BRWD3: variants seen among roughly 807,000 people sequenced by gnomAD.
BRWD3 encodes bromodomain and WD repeat-containing protein 3.
In BRWD3, 10 loss-of-function variants were observed where a neutral mutation model predicts 149.7. The ratio of observed to expected loss-of-function variants is 0.07; its 90% CI spans 0.04 to 0.11. The LOEUF is 0.11. BRWD3 is among the 10% of genes least tolerant of loss of function. The pLI, the probability that BRWD3 is intolerant of heterozygous loss-of-function variation, is 1.00. For synonymous variants in BRWD3, 504 were observed against 456.7 expected, an observed-to-expected ratio of 1.10 and a Z score of -1.32; for missense variants, 940 against 1,373.2, an observed-to-expected ratio of 0.68 and a Z score of 4.99.
chrX:80,717,466 A>G, intron 19 of BRWD3, 107 bp downstream of exon 19: 1 of 794,006 alleles, frequency 1.3e-6, no homozygotes, highest in Non-Finnish European at 1.9e-6. Flanking sequence ...GCATGACTAA[A>G]CTATATTTTA....
intron 24 of BRWD3, among the ~76,000 whole-genome samples, chrX:80,700,994 T>G (rs751339060): frequency 9.0e-6 from 1 of 110,636 alleles, no homozygotes; most frequent in Non-Finnish European, 1.9e-5. Flanking sequence ...TGTACTATAC[T>G]TCAAATTATA....
chrX:80,782,107 A>G (rs2074063333), intron 6 of BRWD3, among the ~76,000 whole-genome samples: 1 of 111,681 alleles, frequency 9.0e-6, no homozygotes, highest in Admixed American at 9.6e-5. Context: ...TTCAAATTAC[A>G]CTACAGGGCT....
chrX:80,709,661 G>A, intron 20 of BRWD3, 84 bp from the exon 21 acceptor site: 1 of 851,849 alleles, frequency 1.2e-6, no homozygotes, highest in Non-Finnish European at 1.7e-6. Flanking sequence ...AATTAGGTGG[G>A]GGGTAGGGGT....
At chrX:80,716,704 T>C (rs1412769221) in intron 19 of BRWD3, among the ~76,000 whole-genome samples, 2 of 112,328 alleles carry the variant, frequency 1.8e-5, no homozygotes, top group Admixed American at 1.9e-4. Flanking sequence ...CCACAATTTG[T>C]TTATCTATTC....
At chrX:80,798,650 AG>A (rs1361155864) in intron 4 of BRWD3, among the ~76,000 whole-genome samples, 9 of 110,436 alleles carry the variant, frequency 8.1e-5, no homozygotes, top group Non-Finnish European at 1.7e-4. Flanking sequence ...GTATAATATA[AG>A]GCCAGGTGTG....
intron 21 of BRWD3, among the ~76,000 whole-genome samples, chrX:80,709,044 A>G (rs965609294): frequency 2.7e-5 from 3 of 111,945 alleles, no homozygotes; most frequent in Non-Finnish European, 5.6e-5. Flanking sequence ...GGTGAAGTCA[A>G]TAATAACAAA....
Position 80,793,786 on chromosome X carries a change from A to C in BRWD3, c.181-14T>G, listed in dbSNP as rs1457275485. On this transcript the variant is annotated splice_polypyrimidine_tract_variant and intron_variant, in intron 4 of 40. Coordinates refer to ENST00000373275, the MANE Select transcript of BRWD3 (RefSeq NM_153252.5). ...ATTTGCTGCCACCTAAAAAAGTATAAATAAAACACAGGAAAAACACATTTA... is the reference window on the plus strand; with the variant it reads ...ATTTGCTGCCACCTAAAAAAGTATACATAAAACACAGGAAAAACACATTTA... 3.3e-6 allele frequency: 4 copies of C among 1,195,381 alleles called. No homozygotes were observed. The Admixed American group carries it at 8.7e-5, about 26-fold the overall frequency.
At chrX:80,742,473 T>G (rs949200692) in intron 8 of BRWD3, among the ~76,000 whole-genome samples, 3 of 107,020 alleles carry the variant, frequency 2.8e-5, no homozygotes, top group African/African-American at 1.1e-4. Context: ...ATTGAATCTA[T>G]AAATTACCTT....
In BRWD3 at chrX:80,733,378, T is replaced by C. The variant is rs752093208; in HGVS notation, c.1127+78A>G. On this transcript the variant is annotated intron_variant, in intron 12 of 40. Coordinates refer to ENST00000373275, the MANE Select transcript of BRWD3 (RefSeq NM_153252.5). ...CTGGACAGAAATAAGGTATCTATCA[T>C]AGAAGTAGCTGCATCTGAGGGAATG... 132 of 795,969 alleles carry C rather than the reference T, an allele frequency of 1.7e-4. 1 individual carries two copies. The African/African-American group carries it at 1.8e-3, about 11-fold the overall frequency. The allele number at this position is 795,969 out of a possible 1,213,427, so 65.6% of individuals were successfully genotyped here. A position where few individuals can be genotyped will look rare whatever the true frequency, so the allele number is the denominator to read the frequency against.
Position 80,809,840 on chromosome X carries a change from G to C in BRWD3, c.-369C>G, listed in dbSNP as rs1452133964. ...GGGGGGGCGGAGAGAGAGAGAGAGA[G>C]AGAGATAGACGGAGCGAGAAGAGGG... is the stretch of plus-strand genomic sequence containing the variant. On this transcript the variant is annotated 5_prime_UTR_variant, in exon 1 of 41. Coordinates refer to ENST00000373275, the MANE Select transcript of BRWD3 (RefSeq NM_153252.5). Among the ~76,000 whole-genome samples, 17 of 93,261 alleles carry C rather than the reference G, an allele frequency of 1.8e-4. No individual in the cohort carries two copies. Among genetic ancestry groups the C allele is most frequent in the Non-Finnish European group, 2.4e-4 (11 of 46,128 alleles). The allele number at this position is 93,261 out of a possible 115,157, so 81.0% of individuals were successfully genotyped here. A position where few individuals can be genotyped will look rare whatever the true frequency, so the allele number is the denominator to read the frequency against.
intron 6 of BRWD3, among the ~76,000 whole-genome samples, chrX:80,756,764 G>A (rs946568532): frequency 9.0e-6 from 1 of 111,026 alleles, no homozygotes; most frequent in Non-Finnish European, 1.9e-5. Context: ...ACACTTCCTT[G>A]GGGGGAGGAG....
intron 20 of BRWD3, among the ~76,000 whole-genome samples, chrX:80,712,247 T>C (rs1265787325): frequency 9.0e-6 from 1 of 111,325 alleles, no homozygotes; most frequent in Admixed American, 9.4e-5. Context: ...GCAACCTCCC[T>C]GCCTGATTCT....
At chrX:80,684,997 A>C in intron 36 of BRWD3, among the ~76,000 whole-genome samples, 1 of 111,716 alleles carries the variant, frequency 9.0e-6, no homozygotes, top group East Asian at 2.8e-4. Flanking sequence ...TATTTTTCAA[A>C]GTATGAGAAG....
chrX:80,809,365 T>C (rs1211660066), intron 1 of BRWD3, 61 bp from the exon 2 acceptor site: 1 of 1,150,388 alleles, frequency 8.7e-7, no homozygotes, highest in Admixed American at 2.6e-5. Flanking sequence ...AGAAGCTTTT[T>C]CAAAAGAAAC....
intron 35 of BRWD3, 86 bp downstream of exon 35, chrX:80,686,777 G>A: frequency 1.0e-6 from 1 of 1,001,837 alleles, no homozygotes; most frequent in Non-Finnish European, 1.4e-6. Flanking sequence ...AAGGAGAGGT[G>A]AGAAAATTGC....
intron 17 of BRWD3, among the ~76,000 whole-genome samples, chrX:80,720,743 A>G (rs972879346): frequency 2.7e-5 from 3 of 112,088 alleles, no homozygotes; most frequent in Non-Finnish European, 5.6e-5. Context: ...CACTCACTGA[A>G]TCACCCATAG....
At chrX:80,797,795 A>T (rs1466395030) in intron 4 of BRWD3, among the ~76,000 whole-genome samples, 1 of 111,807 alleles carries the variant, frequency 8.9e-6, no homozygotes, top group East Asian at 2.8e-4. Context: ...CTCTAAAATC[A>T]ATAAAAATTT....
chrX:80,690,425 A>T (rs185974935), intron 31 of BRWD3, among the ~76,000 whole-genome samples: 1 of 111,597 alleles, frequency 9.0e-6, no homozygotes, highest in East Asian at 2.8e-4. Flanking sequence ...CAAGAAAAAA[A>T]AACAGATTAT....
chrX:80,805,867 G>A (rs1003338467), intron 4 of BRWD3, among the ~76,000 whole-genome samples: 3 of 110,984 alleles, frequency 2.7e-5, no homozygotes, highest in African/African-American at 9.8e-5. Context: ...CCTGGGAGGC[G>A]GAGGTTGCAG....
Sources: allele counts gnomAD v4.1 joint callset (sites outside exome capture counted in the v4.1 genomes callset), GRCh38; gene constraint gnomAD v4.1.1; transcripts MANE v1.5; gene names NCBI Gene and HGNC (gene_info 2026-07-23, HGNC 2026-07-21).